Variants in CSMD1 observed in about 807,000 individuals in gnomAD.
CSMD1 encodes CUB and Sushi multiple domains 1.
In CSMD1, 213 loss-of-function variants were observed where a neutral mutation model predicts 417.5. That is an observed-to-expected ratio of 0.51 (90% CI 0.46 to 0.57). The LOEUF (loss-of-function observed/expected upper bound fraction) is 0.57. CSMD1 is among the 20% of genes least tolerant of loss of function. The pLI is 0.00. For missense variants in CSMD1, 6,923 were observed against 4,529.7 expected, an observed-to-expected ratio of 1.53 and a Z score of -15.17; for synonymous variants, 2,862 against 1,736.8, an observed-to-expected ratio of 1.65 and a Z score of -16.11.
intron 2 of CSMD1, among the ~76,000 whole-genome samples, chr8:4,515,148 G>C (rs893274413): frequency 4.6e-5 from 7 of 152,178 alleles, no homozygotes; most frequent in Non-Finnish European, 8.8e-5. Flanking sequence ...TGGTGTGGCT[G>C]TTATTATGTC....
chr8:4,055,981 C>T (rs1439976906), intron 3 of CSMD1, among the ~76,000 whole-genome samples: 2 of 151,884 alleles, frequency 1.3e-5, no homozygotes, highest in Admixed American at 6.6e-5. Context: ...TTTTCCCCTA[C>T]TAGAAGGCTC....
intron 1 of CSMD1, among the ~76,000 whole-genome samples, chr8:4,717,897 G>A (rs1232971276): frequency 6.6e-6 from 1 of 152,098 alleles, no homozygotes; most frequent in South Asian, 2.1e-4. Context: ...AAATAAATAG[G>A]ATGACTAAAG....
intron 5 of CSMD1, among the ~76,000 whole-genome samples, chr8:3,968,412 T>G (rs1038540453): frequency 1.3e-5 from 2 of 152,124 alleles, no homozygotes; most frequent in Admixed American, 6.5e-5. Flanking sequence ...TCTTCCTTCA[T>G]GGGTTCACAT....
At chr8:3,403,132 C>T (rs1442378048) in intron 15 of CSMD1, among the ~76,000 whole-genome samples, 2 of 152,124 alleles carry the variant, frequency 1.3e-5, no homozygotes, top group Admixed American at 1.3e-4. Context: ...AGACCTATAA[C>T]TTATTTTAAT....
At position 3,225,165 on chromosome 8, in the gene CSMD1, C is replaced by T. The variant is rs10091165; in HGVS notation, c.4346-1298G>A. ...GCTTCACAATTTTCAATAAGGAGTGCCTCTTTAAATACTTATTTAACATTT... is the reference window on the plus strand; with the variant it reads ...GCTTCACAATTTTCAATAAGGAGTGTCTCTTTAAATACTTATTTAACATTT... On this transcript the variant is annotated intron_variant, in intron 27 of 69. Transcript: ENST00000635120. 5.9e-4 allele frequency among the ~76,000 whole-genome samples: 90 copies of T among 152,022 alleles called. 1 individual carries two copies. The highest frequency in any genetic ancestry group is 2.1e-3 in the African/African-American group (88 of 41,474).
chr8:4,156,963 T>A (rs1796869254), intron 3 of CSMD1, among the ~76,000 whole-genome samples: 1 of 152,122 alleles, frequency 6.6e-6, no homozygotes, highest in Admixed American at 6.6e-5. Flanking sequence ...ACTTTGCAAC[T>A]GCTTGGCAGA....
intron 5 of CSMD1, among the ~76,000 whole-genome samples, chr8:3,756,835 A>G (rs1475614367): frequency 6.6e-6 from 1 of 151,374 alleles, no homozygotes; most frequent in Non-Finnish European, 1.5e-5. Context: ...TTGCTCTTTC[A>G]CGCAGGCTGG....
chr8:3,914,690 G>A (rs528522178), intron 5 of CSMD1, among the ~76,000 whole-genome samples: 13 of 152,198 alleles, frequency 8.5e-5, no homozygotes, highest in African/African-American at 2.6e-4. Context: ...TGGTTGTCAA[G>A]TTGAAAGATG....
chr8:4,745,298 C>G (rs903178965), intron 1 of CSMD1, among the ~76,000 whole-genome samples: 5 of 152,062 alleles, frequency 3.3e-5, no homozygotes, highest in African/African-American at 9.7e-5. Flanking sequence ...CTATTGCAGC[C>G]TAATGGATTA....
At chr8:4,112,393 G>C (rs1440329937) in intron 3 of CSMD1, among the ~76,000 whole-genome samples, 1 of 152,176 alleles carries the variant, frequency 6.6e-6, no homozygotes. Flanking sequence ...AAAATGCCCT[G>C]ACAAGGCTGA....
intron 1 of CSMD1, among the ~76,000 whole-genome samples, chr8:4,750,236 C>G (rs1007501807): frequency 1.3e-5 from 2 of 149,644 alleles, no homozygotes; most frequent in African/African-American, 5.1e-5. Context: ...CTCGATCTCC[C>G]GACATTGTGA....
chr8:3,108,554 C>T (rs1472419320), intron 44 of CSMD1, 49 bp downstream of exon 44: 10 of 1,595,330 alleles, frequency 6.3e-6, no homozygotes, highest in Non-Finnish European at 8.6e-6. Flanking sequence ...CTGCAGGAAA[C>T]ACCACATGGA....
At chr8:3,927,939 T>A (rs749721197) in intron 5 of CSMD1, among the ~76,000 whole-genome samples, 2 of 152,164 alleles carry the variant, frequency 1.3e-5, no homozygotes, top group Non-Finnish European at 2.9e-5. Flanking sequence ...TTTTGTTAGA[T>A]TATCTGTTAA....
At chr8:4,631,939 A>C (rs1446946979) in intron 2 of CSMD1, among the ~76,000 whole-genome samples, 1 of 152,166 alleles carries the variant, frequency 6.6e-6, no homozygotes. Context: ...CCCTTCATAG[A>C]TTCGCCTTTA....
chr8:3,126,525 A>C (rs958083612), intron 41 of CSMD1, among the ~76,000 whole-genome samples: 4 of 152,172 alleles, frequency 2.6e-5, no homozygotes, highest in African/African-American at 9.7e-5. Context: ...GAAAAGATCC[A>C]TCTGGGGTCT....
chr8:4,107,664 A>G (rs1276476244), intron 3 of CSMD1, among the ~76,000 whole-genome samples: 3 of 152,142 alleles, frequency 2.0e-5, no homozygotes, highest in African/African-American at 7.2e-5. Flanking sequence ...TTGAAGTACA[A>G]TCCATCATCT....
intron 5 of CSMD1, among the ~76,000 whole-genome samples, chr8:3,877,964 G>GT (rs879499741): frequency 0.018 from 2,578 of 145,752 alleles, 24 homozygotes; most frequent in Non-Finnish European, 0.022. Context: ...GTCATGCAAA[G>GT]TTTTTTTTTT....
intron 1 of CSMD1, among the ~76,000 whole-genome samples, chr8:4,909,923 C>A (rs1805551352): frequency 6.6e-6 from 1 of 152,048 alleles, no homozygotes; most frequent in African/African-American, 2.4e-5. Context: ...GGGAGTGAGC[C>A]CTTTACACGA....
At chr8:3,367,448 GGA>G (rs974863067) in intron 19 of CSMD1, among the ~76,000 whole-genome samples, 2 of 151,218 alleles carry the variant, frequency 1.3e-5, no homozygotes, top group Non-Finnish European at 2.9e-5. Context: ...AGACAGAGAT[GGA>G]GAGAGATGGA....
Sources: gnomAD v4.1 joint callset for allele counts (sites outside exome capture counted in the v4.1 genomes callset) on GRCh38, gnomAD v4.1.1 for gene constraint, MANE v1.5 for transcripts, NCBI Gene and HGNC (gene_info 2026-07-23, HGNC 2026-07-21) for gene names.